Variants in DCLK1 observed in about 807,000 individuals in gnomAD.
DCLK1 encodes the protein serine/threonine-protein kinase DCLK1.
In DCLK1, 16 loss-of-function variants were observed where a neutral mutation model predicts 86.2. The ratio of observed to expected loss-of-function variants is 0.19; its 90% CI spans 0.13 to 0.28. DCLK1 has a LOEUF of 0.28. Ranked by LOEUF, DCLK1 falls within the 10% of genes least tolerant of loss-of-function variation. The probability of loss-of-function intolerance (pLI) is 1.00; values close to 1 mark genes in which losing one functional copy is unlikely to be tolerated. For synonymous variants in DCLK1, 369 were observed against 370.5 expected (o/e 1.00, Z 0.05); for missense variants, 590 against 940.2 (o/e 0.63, Z 4.87).
chr13:35,992,941 C>G (rs1880303458), intron 3 of DCLK1, among the ~76,000 whole-genome samples: 1 of 152,190 alleles, frequency 6.6e-6, no homozygotes, highest in African/African-American at 2.4e-5. Context: ...CGATTATACA[C>G]ATGAAGCTAC....
intron 4 of DCLK1, among the ~76,000 whole-genome samples, chr13:35,896,241 C>T (rs761691980): frequency 5.3e-5 from 8 of 152,098 alleles, no homozygotes; most frequent in South Asian, 4.2e-4. Flanking sequence ...AGTGAGGTCT[C>T]TAAAATATGC....
chr13:35,840,488 A>G (rs1019403942), intron 6 of DCLK1, among the ~76,000 whole-genome samples: 4 of 152,146 alleles, frequency 2.6e-5, no homozygotes, highest in Admixed American at 2.6e-4. Flanking sequence ...ATTGGGATGA[A>G]AGTTAAAGTA....
chr13:35,814,140 G>A (rs996943771), intron 11 of DCLK1, among the ~76,000 whole-genome samples: 3 of 152,072 alleles, frequency 2.0e-5, no homozygotes, highest in African/African-American at 7.2e-5. Context: ...CCTGAGCTAC[G>A]TGCACCCTTA....
chr13:35,886,007 CTTTTTT>C (rs10589320), intron 4 of DCLK1, among the ~76,000 whole-genome samples: 2 of 130,714 alleles, frequency 1.5e-5, no homozygotes, highest in East Asian at 4.2e-4. Flanking sequence ...GAATAGGTTC[CTTTTTT>C]TTTTTTTTTT....
chr13:35,862,144 C>G (rs1871447778), intron 5 of DCLK1, among the ~76,000 whole-genome samples: 1 of 150,922 alleles, frequency 6.6e-6, no homozygotes, highest in Non-Finnish European at 1.5e-5. Context: ...CCTTATGTTT[C>G]TATTATTCAA....
chr13:35,848,392 T>C (rs1870367722), intron 6 of DCLK1: 2 of 984,856 alleles, frequency 2.0e-6, no homozygotes, highest in African/African-American at 3.5e-5. Context: ...ATAAATGGTG[T>C]GCTGTTTCAA....
intron 3 of DCLK1, among the ~76,000 whole-genome samples, chr13:35,993,997 A>C (rs551873476): frequency 6.6e-6 from 1 of 152,132 alleles, no homozygotes; most frequent in Non-Finnish European, 1.5e-5. Context: ...CCAGCGTTTC[A>C]GACTCTTTCA....
At chr13:35,926,532 T>A (rs1175504161) in intron 4 of DCLK1, among the ~76,000 whole-genome samples, 2 of 152,044 alleles carry the variant, frequency 1.3e-5, no homozygotes, top group Admixed American at 6.6e-5. Flanking sequence ...TTCCTGGGAG[T>A]TTCACCACAA....
intron 6 of DCLK1, among the ~76,000 whole-genome samples, chr13:35,852,104 T>C (rs1281887933): frequency 6.6e-6 from 1 of 152,164 alleles, no homozygotes; most frequent in East Asian, 1.9e-4. Flanking sequence ...GTAGCTACTG[T>C]TTTCCAATCT....
intron 4 of DCLK1, among the ~76,000 whole-genome samples, chr13:35,885,847 A>G (rs1008581551): frequency 3.9e-5 from 6 of 152,162 alleles, no homozygotes; most frequent in African/African-American, 1.2e-4. Flanking sequence ...AAACTTTGGG[A>G]ATACTTTTGA....
upstream of DCLK1, among the ~76,000 whole-genome samples, chr13:36,131,547 C>A (rs1886363221): frequency 6.6e-6 from 1 of 152,130 alleles, no homozygotes; most frequent in South Asian, 2.1e-4. Flanking sequence ...CTCCCAGCGC[C>A]CTCTTCCCAC....
At chr13:36,121,230 A>T (rs1304834184) in intron 2 of DCLK1, among the ~76,000 whole-genome samples, 1 of 152,246 alleles carries the variant, frequency 6.6e-6, no homozygotes, top group Non-Finnish European at 1.5e-5. Context: ...GGTCTTCAGG[A>T]TATATTGTTA....
At chr13:35,862,032 C>CAAAAAAAAAA (rs36091477) in intron 5 of DCLK1, among the ~76,000 whole-genome samples, 2 of 71,136 alleles carry the variant, frequency 2.8e-5, no homozygotes, top group Non-Finnish European at 5.2e-5. Context: ...GACTCCGTCT[C>CAAAAAAAAAA]AAAAAAAAAA....
intron 3 of DCLK1, among the ~76,000 whole-genome samples, chr13:35,990,752 T>C (rs1157629983): frequency 1.3e-5 from 2 of 151,800 alleles, no homozygotes; most frequent in Non-Finnish European, 2.9e-5. Context: ...AAGCAAGACT[T>C]AAAATGTTAC....
intron 4 of DCLK1, among the ~76,000 whole-genome samples, chr13:35,876,727 C>T (rs952878259): frequency 6.6e-6 from 1 of 152,200 alleles, no homozygotes; most frequent in Non-Finnish European, 1.5e-5. Flanking sequence ...GCAGTGCCTT[C>T]CATTCCCCCT....
chr13:36,073,229 G>C (rs993287185), intron 3 of DCLK1, among the ~76,000 whole-genome samples: 6 of 152,154 alleles, frequency 3.9e-5, no homozygotes, highest in African/African-American at 1.2e-4. Flanking sequence ...CCTCATGCCT[G>C]TTTGCAGTCA....
At chr13:36,089,976 A>G (rs548203811) in intron 3 of DCLK1, among the ~76,000 whole-genome samples, 1 of 152,338 alleles carries the variant, frequency 6.6e-6, no homozygotes, top group South Asian at 2.1e-4. Context: ...ATGGTCCCCA[A>G]GTGTGCCACA....
chr13:36,098,254 T>C (rs1885083438), intron 3 of DCLK1, among the ~76,000 whole-genome samples: 1 of 152,216 alleles, frequency 6.6e-6, no homozygotes, highest in Non-Finnish European at 1.5e-5. Flanking sequence ...AATCTTCACG[T>C]AAACTGGAGA....
intron 15 of DCLK1, among the ~76,000 whole-genome samples, chr13:35,799,814 C>G (rs949421271): frequency 1.3e-5 from 2 of 151,960 alleles, no homozygotes; most frequent in East Asian, 1.9e-4. Context: ...ATCAATAAAC[C>G]GTCATTTGTG....
Sources: allele counts gnomAD v4.1 joint callset (sites outside exome capture counted in the v4.1 genomes callset), GRCh38; gene constraint gnomAD v4.1.1; transcripts MANE v1.5; gene names NCBI Gene and HGNC (gene_info 2026-07-23, HGNC 2026-07-21).